The following ACOXL variants were observed in gnomAD, a reference collection of about 807,000 sequenced individuals.
ACOXL encodes acyl-CoA oxidase like, also known as acyl-coenzyme A oxidase-like protein.
Under a neutral mutation model 71.9 loss-of-function variants are expected in ACOXL, and 70 were observed. That is an observed-to-expected ratio of 0.97 (90% CI 0.80 to 1.19). The LOEUF (loss-of-function observed/expected upper bound fraction) is 1.19, where lower values mean the gene tolerates loss of function less well. Ranked by LOEUF, ACOXL falls within the 50% of genes most tolerant of loss-of-function variation. The pLI is 0.00. For synonymous variants in ACOXL, 253 were observed against 281.6 expected (o/e 0.90, Z 1.02); for missense variants, 703 against 736.3 (o/e 0.95, Z 0.52).
intron 10 of ACOXL, among the ~76,000 whole-genome samples, chr2:110,882,470 C>T (rs1696782218): frequency 6.6e-6 from 1 of 152,078 alleles, no homozygotes; most frequent in South Asian, 2.1e-4. Flanking sequence ...TTTTAATTTT[C>T]ATAAAACCCA....
rs778523879 is a variant in ACOXL at position 110,805,295 on chromosome 2, A to T, written c.653A>T (p.His218Leu). 2.7e-5 allele frequency: 43 copies of T among 1,614,104 alleles called. No homozygotes were observed. The Admixed American group carries it at 3.7e-4, about 14-fold the overall frequency. ...FGSVAPDGQY[H>L]SPIRNKSARF... ...TCCGTGGCTCCAGATGGACAGTACC[A>T]TTCGCCTATTAGGAACAAGAGTGCA... Residue 218 changes from histidine to leucine, a missense_variant, in exon 9 of 18, where the codon CAT (histidine) becomes CTT (leucine). Coordinates refer to ENST00000439055, the MANE Select transcript of ACOXL (RefSeq NM_001142807.4).
chr2:110,990,036 G>A (rs13035477), intron 13 of ACOXL, among the ~76,000 whole-genome samples: 2,032 of 152,054 alleles, frequency 0.013, 19 homozygotes, highest in South Asian at 0.023. Flanking sequence ...GTGAAACTTC[G>A]TCTCAAAAAA....
intron 11 of ACOXL, among the ~76,000 whole-genome samples, chr2:110,929,051 C>A (rs981764126): frequency 6.6e-6 from 1 of 152,068 alleles, no homozygotes; most frequent in South Asian, 2.1e-4. Context: ...TAAATTGGTC[C>A]CAGTAGGGTG....
intron 9 of ACOXL, among the ~76,000 whole-genome samples, chr2:110,836,238 C>T (rs1387306725): frequency 6.6e-6 from 1 of 152,138 alleles, no homozygotes; most frequent in African/African-American, 2.4e-5. Flanking sequence ...TGCTTGTTAT[C>T]ATGAGAGAGC....
intron 16 of ACOXL, among the ~76,000 whole-genome samples, chr2:111,049,552 A>G (rs2066182977): frequency 6.6e-6 from 1 of 152,152 alleles, no homozygotes. Flanking sequence ...AGTTGGTTCT[A>G]TTTAAACTTA....
chr2:110,874,989 C>G (rs1695730420), intron 10 of ACOXL, among the ~76,000 whole-genome samples: 1 of 152,116 alleles, frequency 6.6e-6, no homozygotes, highest in Non-Finnish European at 1.5e-5. Flanking sequence ...TGTCCTGCCA[C>G]CGGCAGGATT....
At chr2:110,757,132 T>C (rs1170809015) in intron 1 of ACOXL, among the ~76,000 whole-genome samples, 2 of 152,212 alleles carry the variant, frequency 1.3e-5, no homozygotes, top group African/African-American at 4.8e-5. Flanking sequence ...CTCCCACTTA[T>C]AAGTGAGAAC....
chr2:110,909,908 C>T (rs768987679), intron 11 of ACOXL, among the ~76,000 whole-genome samples: 3 of 151,928 alleles, frequency 2.0e-5, no homozygotes, highest in Admixed American at 6.6e-5. Context: ...CAGTAAGATC[C>T]ATCCATGCCA....
At chr2:110,811,525 C>T (rs1239714308) in intron 9 of ACOXL, among the ~76,000 whole-genome samples, 3 of 152,064 alleles carry the variant, frequency 2.0e-5, no homozygotes, top group African/African-American at 4.8e-5. Flanking sequence ...CAAAGCTGAC[C>T]GATGCTCATT....
At chr2:111,072,371 C>T (rs961588375) in intron 16 of ACOXL, among the ~76,000 whole-genome samples, 1 of 152,168 alleles carries the variant, frequency 6.6e-6, no homozygotes, top group Non-Finnish European at 1.5e-5. Flanking sequence ...ACTTCATTCA[C>T]TCCGCATGAT....
At chr2:111,109,095 T>C (rs1475368992) in intron 17 of ACOXL, among the ~76,000 whole-genome samples, 7 of 152,356 alleles carry the variant, frequency 4.6e-5, no homozygotes, top group Middle Eastern at 3.4e-3. Flanking sequence ...TGACCTCAGC[T>C]GCATCATTCC....
chr2:110,995,114 A>C (rs1429954341), intron 13 of ACOXL, among the ~76,000 whole-genome samples: 5 of 151,834 alleles, frequency 3.3e-5, no homozygotes, highest in Non-Finnish European at 7.4e-5. Flanking sequence ...CAATTATAAT[A>C]ATTATAATAA....
intron 9 of ACOXL, among the ~76,000 whole-genome samples, chr2:110,808,303 G>A (rs1487910661): frequency 6.6e-6 from 1 of 152,160 alleles, no homozygotes; most frequent in Admixed American, 6.5e-5. Flanking sequence ...AGCTCATCTT[G>A]TAAATTAGGT....
intron 16 of ACOXL, among the ~76,000 whole-genome samples, chr2:111,075,978 G>A (rs1195073097): frequency 2.0e-5 from 3 of 151,408 alleles, no homozygotes; most frequent in South Asian, 4.2e-4. Context: ...GTCAAAATTT[G>A]TCTTGTTACC....
intron 16 of ACOXL, among the ~76,000 whole-genome samples, chr2:111,087,176 A>T (rs2068256987): frequency 6.6e-6 from 1 of 152,242 alleles, no homozygotes; most frequent in Non-Finnish European, 1.5e-5. Context: ...ATGGAAAAAC[A>T]TTCCATGCTC....
Position 110,871,614 on chromosome 2 carries a change from A to G in ACOXL, c.788+30209A>G, listed in dbSNP as rs188440080. On this transcript the variant is annotated intron_variant, in intron 10 of 17. Transcript: ENST00000439055. ...ATGAAAGGGGTCTTACATCACTGCT[A>G]CTAAGGTGAAGTTCAAGTTCAAGGT... Among the ~76,000 whole-genome samples the G allele has an allele frequency of 1.2e-3, 180 of 152,292 alleles. 2 individuals carry two copies. Among genetic ancestry groups the G allele is most frequent in the South Asian group, 1.9e-3 (9 of 4,822 alleles).
At chr2:111,103,245 A>G (rs1038320581) in intron 17 of ACOXL, among the ~76,000 whole-genome samples, 1 of 152,222 alleles carries the variant, frequency 6.6e-6, no homozygotes, top group Non-Finnish European at 1.5e-5. Context: ...CAGTGAGCCA[A>G]GATTGTGCCA....
chr2:110,939,439 A>G (rs1329877458), intron 12 of ACOXL, among the ~76,000 whole-genome samples: 1 of 152,156 alleles, frequency 6.6e-6, no homozygotes, highest in African/African-American at 2.4e-5. Context: ...TAATTTACCT[A>G]AGACTTGATA....
At chr2:110,840,520 A>G (rs1018854964) in intron 9 of ACOXL, among the ~76,000 whole-genome samples, 1 of 152,162 alleles carries the variant, frequency 6.6e-6, no homozygotes, top group African/African-American at 2.4e-5. Flanking sequence ...AAATTTGCCC[A>G]TTTTACAGTT....
Sources: gnomAD v4.1 joint callset for allele counts (sites outside exome capture counted in the v4.1 genomes callset) on GRCh38, gnomAD v4.1.1 for gene constraint, MANE v1.5 for transcripts, NCBI Gene and HGNC (gene_info 2026-07-23, HGNC 2026-07-21) for gene names.